The following CPNE8 variants were observed in gnomAD, a reference collection of about 807,000 sequenced individuals.
CPNE8 encodes copine-8.
A neutral mutation model predicts 81.5 loss-of-function variants in CPNE8; 45 were observed. The observed-to-expected ratio is 0.55, with a 90% CI of 0.44 to 0.71. CPNE8 has a LOEUF of 0.71. Ranked by LOEUF, CPNE8 falls within the 30% of genes least tolerant of loss-of-function variation. CPNE8 has a pLI of 0.00. For missense variants in CPNE8, 594 were observed against 672.1 expected, an observed-to-expected ratio of 0.88 and a Z score of 1.28; for synonymous variants, 252 against 226.3, an observed-to-expected ratio of 1.11 and a Z score of -1.02.
At chr12:38,846,586 C>T (rs141006828) in intron 4 of CPNE8, among the ~76,000 whole-genome samples, 3,612 of 152,122 alleles carry the variant, frequency 0.024, 58 homozygotes, top group Non-Finnish European at 0.038. Flanking sequence ...ATTCTTGGAA[C>T]AGGTGCTATA....
At chr12:38,902,507 T>TG (rs1346977936) in intron 1 of CPNE8, among the ~76,000 whole-genome samples, 1 of 152,144 alleles carries the variant, frequency 6.6e-6, no homozygotes. Context: ...TTTTGAAGTG[T>TG]GGGCAAATCC....
intron 19 of CPNE8, among the ~76,000 whole-genome samples, chr12:38,669,613 T>C (rs1298558573): frequency 1.3e-5 from 2 of 152,176 alleles, no homozygotes; most frequent in East Asian, 1.9e-4. Flanking sequence ...GCTCCCTTTC[T>C]AGCCTCATGC....
intron 6 of CPNE8, among the ~76,000 whole-genome samples, chr12:38,821,285 C>A (rs947217748): frequency 1.3e-5 from 2 of 152,060 alleles, no homozygotes; most frequent in Non-Finnish European, 2.9e-5. Context: ...GCATATTCAT[C>A]ATTGTATACT....
chr12:38,820,725 G>C (rs1045047623), intron 6 of CPNE8, among the ~76,000 whole-genome samples: 2 of 152,140 alleles, frequency 1.3e-5, no homozygotes, highest in Non-Finnish European at 2.9e-5. Flanking sequence ...AATGAGGTTA[G>C]GCAAATATAA....
At chr12:38,766,500 A>G (rs1941692792) in intron 8 of CPNE8, among the ~76,000 whole-genome samples, 2 of 152,204 alleles carry the variant, frequency 1.3e-5, no homozygotes, top group African/African-American at 4.8e-5. Flanking sequence ...ATCTAATAGT[A>G]TAACACTATA....
intron 10 of CPNE8, among the ~76,000 whole-genome samples, chr12:38,734,071 T>C (rs921956904): frequency 2.0e-5 from 3 of 151,996 alleles, no homozygotes; most frequent in Non-Finnish European, 2.9e-5. Context: ...CCAGTATCTC[T>C]CATCACAGTT....
At chr12:38,732,557 T>C (rs1378640737) in intron 10 of CPNE8, among the ~76,000 whole-genome samples, 4 of 151,956 alleles carry the variant, frequency 2.6e-5, no homozygotes, top group South Asian at 2.1e-4. Flanking sequence ...TGCTGCCCAC[T>C]TATATTTTCT....
chr12:38,666,981 A>G (rs1013088099), intron 19 of CPNE8, among the ~76,000 whole-genome samples: 1 of 152,160 alleles, frequency 6.6e-6, no homozygotes, highest in Non-Finnish European at 1.5e-5. Context: ...AGCACATGAA[A>G]CACTTAATAA....
chr12:38,865,255 G>A (rs981321337), intron 3 of CPNE8, among the ~76,000 whole-genome samples: 1 of 152,196 alleles, frequency 6.6e-6, no homozygotes, highest in Non-Finnish European at 1.5e-5. Flanking sequence ...AAGAAAATAT[G>A]CATTCCCCCT....
intron 10 of CPNE8, among the ~76,000 whole-genome samples, chr12:38,752,364 C>G (rs1269339470): frequency 6.6e-6 from 1 of 152,154 alleles, no homozygotes; most frequent in African/African-American, 2.4e-5. Flanking sequence ...AGATATCTAT[C>G]TACCCTCCCA....
intron 6 of CPNE8, among the ~76,000 whole-genome samples, chr12:38,797,767 T>A (rs955614452): frequency 1.3e-5 from 2 of 151,996 alleles, no homozygotes; most frequent in African/African-American, 4.8e-5. Context: ...AAGGAGGAAG[T>A]TTGAACCAAT....
At chr12:38,691,566 G>A (rs1481594456) in intron 15 of CPNE8, among the ~76,000 whole-genome samples, 1 of 151,850 alleles carries the variant, frequency 6.6e-6, no homozygotes, top group South Asian at 2.1e-4. Flanking sequence ...TACTGAAGTT[G>A]AAACATTATC....
At position 38,782,135 on chromosome 12, in the gene CPNE8, T is replaced by A. The variant is rs536649930; in HGVS notation, c.408-5834A>T. On this transcript the variant is annotated intron_variant, in intron 6 of 19. Transcript: ENST00000331366. Reference sequence around the variant, plus strand: ...ACCATGGTAACACAAGATGTTAATGTTAGAAGAAACTGGTGTGACAGGAAT... The same window carrying A: ...ACCATGGTAACACAAGATGTTAATGATAGAAGAAACTGGTGTGACAGGAAT... Among the ~76,000 whole-genome samples, 18 of 152,282 alleles carry A rather than the reference T, an allele frequency of 1.2e-4. No individual in the cohort carries two copies. In the South Asian group the frequency reaches 3.7e-3, roughly 32 times the overall value.
chr12:38,885,904 G>C (rs1944231204), intron 1 of CPNE8, among the ~76,000 whole-genome samples: 1 of 152,030 alleles, frequency 6.6e-6, no homozygotes, highest in Non-Finnish European at 1.5e-5. Context: ...ACCATGTAAA[G>C]ACGTGCCTGC....
intron 16 of CPNE8, among the ~76,000 whole-genome samples, 171 bp downstream of exon 16, chr12:38,685,319 G>T (rs928214230): frequency 2.0e-5 from 3 of 152,148 alleles, no homozygotes; most frequent in Non-Finnish European, 2.9e-5. Flanking sequence ...TCTCAGCAAA[G>T]TATCATGATC....
intron 1 of CPNE8, 111 bp from the exon 2 acceptor site, chr12:38,874,622 C>A: frequency 1.6e-6 from 1 of 620,706 alleles, no homozygotes; most frequent in Admixed American, 2.9e-5. Context: ...TATAAACATA[C>A]TCATACACAC....
chr12:38,707,560 T>C (rs760935813), intron 13 of CPNE8, among the ~76,000 whole-genome samples: 5 of 151,988 alleles, frequency 3.3e-5, no homozygotes. Context: ...GTATAAAAGG[T>C]GGATGCATTC....
chr12:38,810,782 G>GT (rs1174931623), intron 6 of CPNE8, among the ~76,000 whole-genome samples: 1 of 151,992 alleles, frequency 6.6e-6, no homozygotes, highest in Non-Finnish European at 1.5e-5. Flanking sequence ...TTTTTATCTA[G>GT]TGGATCTGAG....
chr12:38,881,405 T>G (rs1251917737), intron 1 of CPNE8, among the ~76,000 whole-genome samples: 1 of 152,106 alleles, frequency 6.6e-6, no homozygotes, highest in Non-Finnish European at 1.5e-5. Context: ...AAAATTCAGT[T>G]CAACAGCTTC....
Sources: gnomAD v4.1 joint callset for allele counts (sites outside exome capture counted in the v4.1 genomes callset) on GRCh38, gnomAD v4.1.1 for gene constraint, MANE v1.5 for transcripts, NCBI Gene and HGNC (gene_info 2026-07-23, HGNC 2026-07-21) for gene names.